The following LRMDA variants were observed in gnomAD, a reference collection of about 807,000 sequenced individuals.
The protein encoded by LRMDA is leucine rich melanocyte differentiation associated, also known as leucine-rich melanocyte differentiation-associated protein.
LRMDA carries 18 observed loss-of-function variants against 29.8 expected under a neutral mutation model. The observed-to-expected ratio is 0.60, with a 90% CI of 0.42 to 0.90. The LOEUF (loss-of-function observed/expected upper bound fraction) is 0.90, where lower values mean the gene tolerates loss of function less well. Among genes scored for constraint, LRMDA ranks in the 40% least tolerant of loss-of-function variants. LRMDA has a pLI of 0.00. For synonymous variants in LRMDA, 125 were observed against 109.4 expected, an observed-to-expected ratio of 1.14 and a Z score of -0.89; for missense variants, 273 against 273.9, an observed-to-expected ratio of 1.00 and a Z score of 0.02.
intron 2 of LRMDA, among the ~76,000 whole-genome samples, chr10:75,932,951 C>T (rs950891778): frequency 1.3e-5 from 2 of 152,182 alleles, no homozygotes; most frequent in Non-Finnish European, 2.9e-5. Context: ...CATTAAATTA[C>T]TTAACCAAAG....
intron 2 of LRMDA, among the ~76,000 whole-genome samples, chr10:75,513,471 CTG>C (rs1460029139): frequency 6.6e-6 from 1 of 152,182 alleles, no homozygotes; most frequent in East Asian, 1.9e-4. Context: ...TTTTATATGG[CTG>C]TGTTAGTTTC....
intron 2 of LRMDA, among the ~76,000 whole-genome samples, chr10:75,487,890 G>A (rs1387363753): frequency 6.6e-6 from 1 of 152,154 alleles, no homozygotes; most frequent in Non-Finnish European, 1.5e-5. Context: ...ATGGGGCATG[G>A]GTCACTCTGA....
intron 6 of LRMDA, among the ~76,000 whole-genome samples, chr10:76,353,420 A>G (rs899271762): frequency 2.0e-5 from 3 of 151,968 alleles, no homozygotes; most frequent in African/African-American, 7.3e-5. Flanking sequence ...ACTTGAACTG[A>G]AAGGTTGACA....
intron 1 of LRMDA, among the ~76,000 whole-genome samples, chr10:75,433,538 GT>G (rs1251301176): frequency 3.3e-5 from 5 of 152,068 alleles, no homozygotes; most frequent in East Asian, 1.9e-4. Flanking sequence ...CCCGGAGGTG[GT>G]TTTTTTGTTT....
chr10:76,441,862 A>G (rs1439120425), intron 6 of LRMDA, among the ~76,000 whole-genome samples: 2 of 152,180 alleles, frequency 1.3e-5, no homozygotes, highest in East Asian at 3.9e-4. Flanking sequence ...TCCTAGGCTA[A>G]CCTGCAAAAG....
intron 5 of LRMDA, among the ~76,000 whole-genome samples, chr10:76,150,705 C>G (rs544784475): frequency 7.9e-5 from 12 of 152,150 alleles, no homozygotes; most frequent in African/African-American, 2.7e-4. Flanking sequence ...GTGTTTAAAT[C>G]CCCCCCATTC....
At chr10:75,916,549 T>G (rs1845938897) in intron 2 of LRMDA, among the ~76,000 whole-genome samples, 1 of 152,066 alleles carries the variant, frequency 6.6e-6, no homozygotes, top group Non-Finnish European at 1.5e-5. Flanking sequence ...AGAAAAACCG[T>G]CCCCACCCCA....
intron 6 of LRMDA, among the ~76,000 whole-genome samples, chr10:76,328,841 T>G (rs1186211282): frequency 6.6e-6 from 1 of 152,200 alleles, no homozygotes; most frequent in Non-Finnish European, 1.5e-5. Flanking sequence ...TCCATGTCAG[T>G]CTGGATTCAG....
chr10:75,480,705 G>T (rs892569829), intron 2 of LRMDA, among the ~76,000 whole-genome samples: 1 of 152,232 alleles, frequency 6.6e-6, no homozygotes, highest in Non-Finnish European at 1.5e-5. Flanking sequence ...AGTCATGTTT[G>T]TACTTTAGAA....
Position 75,839,700 on chromosome 10 carries a change from CTTTTTTTTT to C in LRMDA, c.132-196290_132-196282del, listed in dbSNP as rs1160178913. Among the ~76,000 whole-genome samples the C allele has an allele frequency of 7.6e-4, 63 of 82,798 alleles. No homozygotes were observed. In the South Asian group the frequency reaches 0.026, roughly 35 times the overall value. 54.3% of individuals were successfully genotyped at this position (82,798 alleles called of 152,430 possible). ...TACTCCTTAGGATGCATCCGACTTT[CTTTTTTTTT>C]TTTTTTTTTTTTTTTTTGAGACAGA... On this transcript the variant is annotated intron_variant, in intron 2 of 6. Transcript: ENST00000611255.
rs1841480520 is a variant in LRMDA, at chr10:75,643,631, C to T, written c.131+205137C>T. Among the ~76,000 whole-genome samples, 4 of 152,116 alleles carry T rather than the reference C, an allele frequency of 2.6e-5. No homozygotes were observed. In the South Asian group the frequency reaches 8.3e-4, roughly 32 times the overall value. Reference sequence around the variant, plus strand: ...GTGATACCCATCTTTGGAACATATGCCACATCAGATTTCTGTTCTGTGAAA... The same window carrying T: ...GTGATACCCATCTTTGGAACATATGTCACATCAGATTTCTGTTCTGTGAAA... On this transcript the variant is annotated intron_variant, in intron 2 of 6. Coordinates refer to ENST00000611255, the MANE Select transcript of LRMDA (RefSeq NM_001305581.2).
intron 2 of LRMDA, among the ~76,000 whole-genome samples, chr10:75,675,139 T>C (rs1028010569): frequency 1.3e-5 from 2 of 152,194 alleles, no homozygotes; most frequent in South Asian, 2.1e-4. Flanking sequence ...GAGGGAGTTA[T>C]AGAATTCAAA....
chr10:75,783,938 T>A (rs907250605), intron 2 of LRMDA, among the ~76,000 whole-genome samples: 1 of 152,234 alleles, frequency 6.6e-6, no homozygotes, highest in African/African-American at 2.4e-5. Flanking sequence ...GAATATCTTA[T>A]GGCCATTTTT....
chr10:76,540,434 G>T (rs1196763994), intron 6 of LRMDA, among the ~76,000 whole-genome samples: 3 of 152,138 alleles, frequency 2.0e-5, no homozygotes, highest in Admixed American at 2.0e-4. Flanking sequence ...AAATACAAAA[G>T]ATTTAATAAC....
chr10:75,762,320 C>T (rs1200499029), intron 2 of LRMDA, among the ~76,000 whole-genome samples: 3 of 152,252 alleles, frequency 2.0e-5, no homozygotes, highest in Non-Finnish European at 4.4e-5. Context: ...TGCGACCCAA[C>T]ACACATTTGT....
intron 2 of LRMDA, chr10:75,743,829 A>C (rs1842859878): frequency 1.3e-5 from 2 of 152,210 alleles, no homozygotes; most frequent in Non-Finnish European, 2.9e-5. Flanking sequence ...AGAAGTGATT[A>C]AAATACCTGT....
chr10:76,545,709 A>G (rs1453957031), intron 6 of LRMDA, among the ~76,000 whole-genome samples: 2 of 150,770 alleles, frequency 1.3e-5, no homozygotes, highest in Admixed American at 6.6e-5. Flanking sequence ...TCAGACTGCT[A>G]TTGGGGATAA....
intron 2 of LRMDA, among the ~76,000 whole-genome samples, chr10:75,742,528 A>G (rs1430921338): frequency 6.6e-6 from 1 of 152,194 alleles, no homozygotes; most frequent in Non-Finnish European, 1.5e-5. Context: ...TGAAAAATAC[A>G]TGTGTGTTCA....
chr10:75,759,472 A>G (rs1843069884), intron 2 of LRMDA, among the ~76,000 whole-genome samples: 1 of 152,172 alleles, frequency 6.6e-6, no homozygotes, highest in African/African-American at 2.4e-5. Flanking sequence ...GATTTAAGAG[A>G]AGAATTAATT....
Sources: allele counts gnomAD v4.1 joint callset (sites outside exome capture counted in the v4.1 genomes callset), GRCh38; gene constraint gnomAD v4.1.1; transcripts MANE v1.5; gene names NCBI Gene and HGNC (gene_info 2026-07-23, HGNC 2026-07-21).